Variants in CCDC9B observed in about 807,000 individuals in gnomAD.
CCDC9B encodes the protein coiled-coil domain-containing protein 9B.
In CCDC9B, 40 loss-of-function variants were observed where a neutral mutation model predicts 47.2. That is an observed-to-expected ratio of 0.85 (90% CI 0.66 to 1.10). The LOEUF (loss-of-function observed/expected upper bound fraction) is 1.10, where lower values mean the gene tolerates loss of function less well. Ranked by LOEUF, CCDC9B falls within the 50% of genes least tolerant of loss-of-function variation. CCDC9B has a pLI of 0.00. For synonymous variants in CCDC9B, 238 were observed against 250.7 expected, an observed-to-expected ratio of 0.95 and a Z score of 0.48; for missense variants, 662 against 651.0, an observed-to-expected ratio of 1.02 and a Z score of -0.18.
Position 40,335,533 on chromosome 15 carries a change from G to A in CCDC9B, c.1098C>T (p.Cys366=), listed in dbSNP as rs1416445407. 2 of 1,531,734 alleles carry A rather than the reference G, an allele frequency of 1.3e-6. No individual in the cohort carries two copies. Among genetic ancestry groups the A allele is most frequent in the Non-Finnish European group, 1.8e-6 (2 of 1,138,536 alleles). 94.9% of individuals were successfully genotyped at this position (1,531,734 alleles called of 1,614,324 possible). A position where few individuals can be genotyped will look rare whatever the true frequency, so the allele number is the denominator to read the frequency against. The part of the protein sequence containing the change: ...SVASTASSVP[C]SPQEPDLAPL... Reference sequence around the variant, plus strand: ...GAGCCAAGTCAGGCTCCTGTGGAGAGCAGGGGACTGAGCTGGCTGTGGAAG... The same window carrying A: ...GAGCCAAGTCAGGCTCCTGTGGAGAACAGGGGACTGAGCTGGCTGTGGAAG... Residue 366 remains cysteine (C), a synonymous_variant, in exon 11 of 11, where the codon TGC becomes TGT. Transcript: ENST00000397536.
intron 2 of CCDC9B, 91 bp downstream of exon 2, chr15:40,339,814 G>A (rs1889050110): frequency 8.7e-6 from 12 of 1,376,370 alleles, no homozygotes; most frequent in South Asian, 6.2e-5. Context: ...CCCCAGAGGC[G>A]CATTGCTGAG....
Position 40,337,456 on chromosome 15 carries a change from C to CA in CCDC9B, c.684-11dup. ...GCTGCAGTCCTGTAGCCTGTGTAGACAGAGGGAGTCAGGTTGCTGGTGCAC... is the reference window on the plus strand; with the variant it reads ...GCTGCAGTCCTGTAGCCTGTGTAGACAAGAGGGAGTCAGGTTGCTGGTGCAC... On this transcript the variant is annotated splice_polypyrimidine_tract_variant and intron_variant, in intron 6 of 10. Coordinates refer to ENST00000397536, the MANE Select transcript of CCDC9B (RefSeq NM_207380.3). 1.3e-6 allele frequency: 2 copies of CA among 1,545,140 alleles called. No individual in the cohort carries two copies. The highest frequency in any genetic ancestry group is 8.7e-7 in the Non-Finnish European group (1 of 1,148,072).
chr15:40,339,168 T>C, intron 3 of CCDC9B: 1 of 599,064 alleles, frequency 1.7e-6, no homozygotes. Context: ...TCTCTGTCCC[T>C]CAGACACTGC....
Position 40,333,566 on chromosome 15 carries a change from T to TAAAAAAAAAAAAAAAAAAAAAAAA in CCDC9B, c.*1591_*1592insTTTTTTTTTTTTTTTTTTTTTTTT, listed in dbSNP as rs3067241. On this transcript the variant is annotated 3_prime_UTR_variant, in exon 11 of 11. Transcript: ENST00000397536. ...TAGGTGATAACAGCAGGACCCTAACTAAAAAAAAAAAAAAAAAAAAAAGAC... is the reference window on the plus strand; with the variant it reads ...TAGGTGATAACAGCAGGACCCTAACTAAAAAAAAAAAAAAAAAAAAAAAAAAAAAAAAAAAAAAAAAAAAAAGAC... The TAAAAAAAAAAAAAAAAAAAAAAAA allele has an allele frequency of 6.1e-5, 4 of 65,530 alleles. No homozygotes were observed. The highest frequency in any genetic ancestry group is 2.0e-4 in the African/African-American group (3 of 14,710). 4.1% of individuals were successfully genotyped at this position (65,530 alleles called of 1,614,324 possible). A position where few individuals can be genotyped will look rare whatever the true frequency, so the allele number is the denominator to read the frequency against.
In CCDC9B at chr15:40,340,841, A is replaced by T; in HGVS notation, c.-22T>A. The T allele has an allele frequency of 6.2e-7, 1 of 1,608,584 alleles. No homozygotes were observed. The highest frequency in any genetic ancestry group is 8.5e-7 in the Non-Finnish European group (1 of 1,178,480). On this transcript the variant is annotated 5_prime_UTR_variant, in exon 1 of 11. Transcript: ENST00000397536. ...GCATGGCAACGGCGGGCACCGAGAG[A>T]ATTCCAGAGCAGCCCCTGGGGAGCC...
rs757301710 is a variant in CCDC9B, at chr15:40,339,573, A to AC, written c.169dup (p.Val57GlyfsTer10). Reference sequence around the variant, plus strand: ...AGGCTGGAGGAGTGCTGGTGTGGTCACAGCCATCCCCCCCTGCTCTGCCTG... The same window carrying AC: ...AGGCTGGAGGAGTGCTGGTGTGGTCACCAGCCATCCCCCCCTGCTCTGCCTG... On this transcript the variant is annotated frameshift_variant, in exon 3 of 11. Transcript: ENST00000397536. LOFTEE classifies it high-confidence loss of function. 451 of 1,613,466 alleles carry AC rather than the reference A, an allele frequency of 2.8e-4. 1 individual carries two copies. The highest frequency in any genetic ancestry group is 3.7e-4 in the Non-Finnish European group (432 of 1,179,740).
intron 5 of CCDC9B, 29 bp from the exon 6 acceptor site, chr15:40,337,922 G>A: frequency 1.3e-6 from 2 of 1,575,362 alleles, no homozygotes; most frequent in Non-Finnish European, 1.7e-6. Flanking sequence ...CAGAGTGAGG[G>A]GGAGAAGCAG....
chr15:40,337,760 C>A lies in CCDC9B; in HGVS notation c.647G>T (p.Trp216Leu). 3 of 1,608,442 alleles carry A rather than the reference C, an allele frequency of 1.9e-6. No individual in the cohort carries two copies. The highest frequency in any genetic ancestry group is 2.5e-6 in the Non-Finnish European group (3 of 1,179,340). ...LARHRDAQGDWRRPWDLDKAK... is the reference protein window; with the variant it reads ...LARHRDAQGDLRRPWDLDKAK... ...CTTGTCCAGGTCCCACGGGCGGCGC[C>A]AGTCACCCTGTGCGTCTCTGTGCCG... is the stretch of plus-strand genomic sequence containing the variant. Residue 216 changes from tryptophan to leucine, a missense_variant, in exon 6 of 11, where the codon TGG becomes TTG. Transcript: ENST00000397536.
At position 40,334,947 on chromosome 15, in the gene CCDC9B, T is replaced by A; in HGVS notation, c.*211A>T. ...ATACACCAGGGGCTGTGCCCGTGCGTGAAAACACACATGTGCACAGAGATG... is the reference window on the plus strand; with the variant it reads ...ATACACCAGGGGCTGTGCCCGTGCGAGAAAACACACATGTGCACAGAGATG... On this transcript the variant is annotated 3_prime_UTR_variant, in exon 11 of 11. Coordinates refer to ENST00000397536, the MANE Select transcript of CCDC9B (RefSeq NM_207380.3). The A allele has an allele frequency of 2.3e-6, 1 of 427,508 alleles. No individual in the cohort carries two copies. Among genetic ancestry groups the A allele is most frequent in the Non-Finnish European group, 4.1e-6 (1 of 241,898 alleles). The allele number at this position is 427,508 out of a possible 1,614,324, so 26.5% of individuals were successfully genotyped here.
At chr15:40,337,136 C>G in intron 7 of CCDC9B, 2 of 635,314 alleles carry the variant, frequency 3.1e-6, no homozygotes, top group Non-Finnish European at 5.7e-6. Flanking sequence ...TCAAAGAGAC[C>G]CCGGGCCGGC....
At position 40,336,573 on chromosome 15, in the gene CCDC9B, C is replaced by A; in HGVS notation, c.887+1G>T. The A allele has an allele frequency of 1.9e-6, 3 of 1,611,280 alleles. No individual in the cohort carries two copies. The highest frequency in any genetic ancestry group is 2.5e-6 in the Non-Finnish European group (3 of 1,179,284). On this transcript the variant is annotated splice_donor_variant, in intron 9 of 10. Coordinates refer to ENST00000397536, the MANE Select transcript of CCDC9B (RefSeq NM_207380.3). LOFTEE classifies it high-confidence loss of function. Reference sequence around the variant, plus strand: ...TGATTTTGTCCCCTGCCACCTGTTACCTTCGGGCCCTGCCAGTCAGCCTCT... The same window carrying A: ...TGATTTTGTCCCCTGCCACCTGTTAACTTCGGGCCCTGCCAGTCAGCCTCT...
chr15:40,339,411 ATAGT>A (rs913341269), intron 3 of CCDC9B, 97 bp downstream of exon 3: 15 of 1,279,688 alleles, frequency 1.2e-5, no homozygotes, highest in East Asian at 2.3e-5. Context: ...GCACCCCAGA[ATAGT>A]TAGTAGGAGA....
At chr15:40,340,613 TG>T in intron 1 of CCDC9B, 194 bp downstream of exon 1, 1 of 602,046 alleles carries the variant, frequency 1.7e-6, no homozygotes, top group Non-Finnish European at 2.8e-6. Flanking sequence ...GGAGTCACCC[TG>T]GGCAAGCCAT....
intron 1 of CCDC9B, chr15:40,340,457 T>A: frequency 5.5e-6 from 2 of 364,564 alleles, no homozygotes. Context: ...CCTGGCTCCG[T>A]CCTGGGCTCT....
At chr15:40,338,449 A>G in intron 5 of CCDC9B, 86 bp downstream of exon 5, 1 of 1,484,066 alleles carries the variant, frequency 6.7e-7, no homozygotes, top group Non-Finnish European at 9.2e-7. Context: ...GTCCCCGCAA[A>G]TGAGGGACAT....
At position 40,337,810 on chromosome 15, in the gene CCDC9B, C is replaced by T. The variant is rs756739821; in HGVS notation, c.597G>A (p.Glu199=). Residue 199 remains glutamate (E), a synonymous_variant, in exon 6 of 11, where the codon GAG becomes GAA. Transcript: ENST00000397536. ...GGGCGAGGCGGGCTAGGTCGATCTG[C>T]TCCCGCTCCTGCTTCCACTGGGCAT... ...WDYAQWKQER[E]QIDLARLARH... 3.1e-6 allele frequency: 5 copies of T among 1,610,376 alleles called. No individual in the cohort carries two copies. The highest frequency in any genetic ancestry group is 4.2e-6 in the Non-Finnish European group (5 of 1,179,838).
Position 40,338,169 on chromosome 15 carries a change from C to T in CCDC9B, c.514-276G>A, listed in dbSNP as rs978667019. On this transcript the variant is annotated intron_variant, in intron 5 of 10. Coordinates refer to ENST00000397536, the MANE Select transcript of CCDC9B (RefSeq NM_207380.3). ...GGTGTTGCAGGGGTATGCAGACGGG[C>T]CGGAGTGGGAGGGGCCCTGGAAGCT... 5 of 719,330 alleles carry T rather than the reference C, an allele frequency of 7.0e-6. No individual in the cohort carries two copies. In the Admixed American group the frequency reaches 1.0e-4, roughly 14 times the overall value. The allele number at this position is 719,330 out of a possible 1,614,324, so 44.6% of individuals were successfully genotyped here.
chr15:40,338,979 C>T (rs1479448068), intron 3 of CCDC9B, 76 bp from the exon 4 acceptor site: 1 of 1,558,356 alleles, frequency 6.4e-7, no homozygotes, highest in Non-Finnish European at 8.8e-7. Flanking sequence ...CGGTGGTTCC[C>T]CAGGCCTGGG....
chr15:40,338,843 CGTTGGTCACTCTGG>C lies in CCDC9B; in HGVS notation c.278_291del (p.Pro93ArgfsTer4). 6.2e-7 allele frequency: 1 copy of C among 1,614,216 alleles called. No homozygotes were observed. The highest frequency in any genetic ancestry group is 8.5e-7 in the Non-Finnish European group (1 of 1,180,028). The stretch of plus-strand genomic sequence containing the variant: ...TCAGCATCCTCATCCTCAAGCATCT[CGTTGGTCACTCTGG>C]GTCCACAGGTACCCCTTGCCCAGTT... On this transcript the variant is annotated frameshift_variant, in exon 4 of 11. Coordinates refer to ENST00000397536, the MANE Select transcript of CCDC9B (RefSeq NM_207380.3). LOFTEE classifies it high-confidence loss of function.
Sources: gnomAD v4.1 joint callset for allele counts on GRCh38, gnomAD v4.1.1 for gene constraint, MANE v1.5 for transcripts, NCBI Gene and HGNC (gene_info 2026-07-23, HGNC 2026-07-21) for gene names.